The following CNTN2 variants were observed in gnomAD, a reference collection of about 807,000 sequenced individuals.
CNTN2 encodes contactin 2.
CNTN2 carries 53 observed loss-of-function variants against 117.5 expected under a neutral mutation model. That is an observed-to-expected ratio of 0.45 (90% confidence interval 0.36 to 0.57). The LOEUF (loss-of-function observed/expected upper bound fraction) is 0.57, where lower values mean the gene tolerates loss of function less well. Among genes scored for constraint, CNTN2 ranks in the 20% least tolerant of loss-of-function variants. CNTN2 has a pLI of 0.00. For synonymous variants in CNTN2, 530 were observed against 561.7 expected (o/e 0.94, Z 0.80); for missense variants, 1,106 against 1,404.3 (o/e 0.79, Z 3.39).
At position 205,061,661 on chromosome 1, in the gene CNTN2, A is replaced by G; in HGVS notation, c.974-204A>G. 1.2e-6 allele frequency: 1 copy of G among 811,570 alleles called. No homozygotes were observed. Among genetic ancestry groups the G allele is most frequent in the South Asian group, 2.0e-5 (1 of 51,210 alleles). 50.3% of individuals were successfully genotyped at this position (811,570 alleles called of 1,614,324 possible). A position where few individuals can be genotyped will look rare whatever the true frequency, so the allele number is the denominator to read the frequency against. ...GCTCCAGAATGATTTAAGTTGCAAA[A>G]GCAGCCACTGGCACAGCCACAGAGT... is the stretch of plus-strand genomic sequence containing the variant. On this transcript the variant is annotated intron_variant, in intron 8 of 22. Coordinates refer to ENST00000331830, the MANE Select transcript of CNTN2 (RefSeq NM_005076.5). The surrounding 1 kb of genome is among the most constrained non-coding windows in gnomAD (Gnocchi z 4.8).
chr1:205,059,404 C>A lies in CNTN2; in HGVS notation c.697+111C>A. On this transcript the variant is annotated intron_variant, in intron 6 of 22. Transcript: ENST00000331830. The surrounding 1 kb of genome is among the most constrained non-coding windows in gnomAD (Gnocchi z 5.6). ...AAGATCAGCTTGCAGGGCACTGATT[C>A]CAGGCCCTGGACCCCCAGATCCTCC... 8.0e-7 allele frequency: 1 copy of A among 1,246,634 alleles called. No individual in the cohort carries two copies. Among genetic ancestry groups the A allele is most frequent in the Non-Finnish European group, 1.1e-6 (1 of 880,176 alleles). The allele number at this position is 1,246,634 out of a possible 1,614,324, so 77.2% of individuals were successfully genotyped here. A position where few individuals can be genotyped will look rare whatever the true frequency, so the allele number is the denominator to read the frequency against.
intron 2 of CNTN2, among the ~76,000 whole-genome samples, chr1:205,055,316 C>T (rs1251998427): frequency 1.3e-5 from 2 of 152,104 alleles, no homozygotes; most frequent in Non-Finnish European, 2.9e-5. Flanking sequence ...TTTGCATGTG[C>T]ATGTGTAAGC....
Position 205,072,109 on chromosome 1 carries a change from G to A in CNTN2, c.2707G>A (p.Ala903Thr), listed in dbSNP as rs2151200118. ...TGGCACTGGGCCTGCCAGCCCTTCT[G>A]CCAACGCCACGACCATGAAGCCCCG... ...RAGTGPASPS[A>T]NATTMKPPPR... Residue 903 changes from alanine to threonine, a missense_variant, in exon 20 of 23, where the codon GCC becomes ACC. Transcript: ENST00000331830. 1 of 1,612,438 alleles carries A rather than the reference G, an allele frequency of 6.2e-7. No individual in the cohort carries two copies. Among genetic ancestry groups the A allele is most frequent in the Non-Finnish European group, 8.5e-7 (1 of 1,179,564 alleles).
chr1:205,069,700 T>TA, intron 17 of CNTN2, 127 bp from the exon 18 acceptor site: 2 of 1,401,776 alleles, frequency 1.4e-6, no homozygotes, highest in Non-Finnish European at 2.0e-6. Flanking sequence ...CGCTGCCCCT[T>TA]ACGCGAATCC....
At chr1:205,047,869 C>G (rs2151181846) in intron 1 of CNTN2, among the ~76,000 whole-genome samples, 1 of 152,274 alleles carries the variant, frequency 6.6e-6, no homozygotes, top group African/African-American at 2.4e-5. Context: ...TGGGGCGGGT[C>G]CTGCCCTTCT....
In CNTN2 at chr1:205,070,143, C is replaced by T. The variant is rs906372776; in HGVS notation, c.2431+82C>T. On this transcript the variant is annotated intron_variant, in intron 18 of 22. Transcript: ENST00000331830. The stretch of plus-strand genomic sequence containing the variant: ...TGTGGGGTGGGGGAACGCTACTCAT[C>T]TCCCAGCTCAGTTCCATAGGAGGAG... 3.7e-6 allele frequency: 5 copies of T among 1,365,904 alleles called. No homozygotes were observed. In the Admixed American group the frequency reaches 5.7e-5, roughly 16 times the overall value. The allele number at this position is 1,365,904 out of a possible 1,614,324, so 84.6% of individuals were successfully genotyped here.
rs1470996086 is a variant in CNTN2 at position 205,058,145 on chromosome 1, G to T, written c.216-36G>T. 1.3e-6 allele frequency: 2 copies of T among 1,594,380 alleles called. No homozygotes were observed. The highest frequency in any genetic ancestry group is 1.3e-5 in the African/African-American group (1 of 74,392). ...TCTCATCAGCCCTGCCACCAGGCAG[G>T]ACTCAGAGGTCCCCTTCCTCTGTCC... On this transcript the variant is annotated intron_variant, in intron 3 of 22. Coordinates refer to ENST00000331830, the MANE Select transcript of CNTN2 (RefSeq NM_005076.5). This position sits in a 1 kb window ranked among gnomAD's most constrained non-coding sequence, Gnocchi z 4.3.
At position 205,065,209 on chromosome 1, in the gene CNTN2, G is replaced by A. The variant is rs763451598; in HGVS notation, c.1642G>A (p.Asp548Asn). The part of the protein sequence containing the change: ...MDLTFTWTLD[D>N]FPIDFDKPGG... ...CCTCACCTTCACCTGGACCCTGGAC[G>A]ACTTCCCCATCGACTTTGATAAGCC... The change falls in exon 13 of 23, where the codon GAC becomes AAC. Residue 548 changes from aspartate (D) to asparagine (N), a missense_variant. Coordinates refer to ENST00000331830, the MANE Select transcript of CNTN2 (RefSeq NM_005076.5). This position sits in a 1 kb window ranked among gnomAD's most constrained non-coding sequence, Gnocchi z 4.1. 3 of 1,614,070 alleles carry A rather than the reference G, an allele frequency of 1.9e-6. No homozygotes were observed. The highest frequency in any genetic ancestry group is 2.2e-5 in the East Asian group (1 of 44,858).
At position 205,061,771 on chromosome 1, in the gene CNTN2, G is replaced by A; in HGVS notation, c.974-94G>A. On this transcript the variant is annotated intron_variant, in intron 8 of 22. Coordinates refer to ENST00000331830, the MANE Select transcript of CNTN2 (RefSeq NM_005076.5). The surrounding 1 kb of genome is among the most constrained non-coding windows in gnomAD (Gnocchi z 4.8). ...ATGCTCATGGCGCCCTCTGCTGTCT[G>A]GCACAGGTGCTGCTGCCCTGATTTT... 6.9e-7 allele frequency: 1 copy of A among 1,442,318 alleles called. No individual in the cohort carries two copies. The highest frequency in any genetic ancestry group is 9.3e-7 in the Non-Finnish European group (1 of 1,080,646). 89.3% of individuals were successfully genotyped at this position (1,442,318 alleles called of 1,614,324 possible). A position where few individuals can be genotyped will look rare whatever the true frequency, so the allele number is the denominator to read the frequency against.
chr1:205,048,431 AC>A lies in CNTN2; in HGVS notation c.-86-4663del, dbSNP rs1574628254. On this transcript the variant is annotated intron_variant, in intron 1 of 22. Coordinates refer to ENST00000331830, the MANE Select transcript of CNTN2 (RefSeq NM_005076.5). This position sits in a 1 kb window ranked among gnomAD's most constrained non-coding sequence, Gnocchi z 4.1. ...AGCCAACTCCCCCTGGTGCCCCCGA[AC>A]CCCCCAGTGGTCCACTCCCCCATGT... Among the ~76,000 whole-genome samples, 1 of 151,312 alleles carries A rather than the reference AC, an allele frequency of 6.6e-6. No homozygotes were observed. The highest frequency in any genetic ancestry group is 2.4e-5 in the African/African-American group (1 of 41,082).
chr1:205,058,059 C>T lies in CNTN2; in HGVS notation c.209C>T (p.Thr70Ile), dbSNP rs1189958830. The T allele has an allele frequency of 5.0e-6, 8 of 1,613,536 alleles. No homozygotes were observed. Among genetic ancestry groups the T allele is most frequent in the South Asian group, 1.1e-5 (1 of 91,020 alleles). The change falls in exon 3 of 23, where the codon ACC becomes ATC. Residue 70 changes from threonine (T) to isoleucine (I), a missense_variant. By Grantham distance (89) the Thr-to-Ile change is moderately conservative. Coordinates refer to ENST00000331830, the MANE Select transcript of CNTN2 (RefSeq NM_005076.5). The surrounding 1 kb of genome is among the most constrained non-coding windows in gnomAD (Gnocchi z 4.3). ...ACRARASPPA[T>I]YRWKMNGTEM... ...CGCGCCCGGGCCAGCCCTCCAGCCACCTATCGGTAAGGCCTCTGCAGTGGG... is the reference window on the plus strand; with the variant it reads ...CGCGCCCGGGCCAGCCCTCCAGCCATCTATCGGTAAGGCCTCTGCAGTGGG...
At chr1:205,045,137 G>A (rs1396518401) in intron 1 of CNTN2, among the ~76,000 whole-genome samples, 1 of 152,084 alleles carries the variant, frequency 6.6e-6, no homozygotes, top group Admixed American at 6.5e-5. Context: ...GGAAGCAGAG[G>A]CACACTCCTT....
chr1:205,067,801 C>T (rs2151196996), intron 16 of CNTN2: 1 of 152,486 alleles, frequency 6.6e-6, no homozygotes, highest in Admixed American at 6.5e-5. Flanking sequence ...GTGACACACA[C>T]CTGTAAATCC....
At chr1:205,046,872 G>A (rs2096442355) in intron 1 of CNTN2, among the ~76,000 whole-genome samples, 1 of 152,122 alleles carries the variant, frequency 6.6e-6, no homozygotes, top group Non-Finnish European at 1.5e-5. Context: ...TTCTGATCCT[G>A]AGCTTCCCAG....
At position 205,061,304 on chromosome 1, in the gene CNTN2, C is replaced by T. The variant is rs1367194017; in HGVS notation, c.857C>T (p.Thr286Ile). The T allele has an allele frequency of 2.5e-6, 4 of 1,614,140 alleles. No homozygotes were observed. Among genetic ancestry groups the T allele is most frequent in the Non-Finnish European group, 3.4e-6 (4 of 1,180,004 alleles). Residue 286 changes from threonine (T) to isoleucine (I), a missense_variant, in exon 8 of 23, where the codon ACA becomes ATA. Physicochemically the swap from Thr to Ile is moderately conservative, Grantham distance 89 (BLOSUM62 -1). Coordinates refer to ENST00000331830, the MANE Select transcript of CNTN2 (RefSeq NM_005076.5). This position sits in a 1 kb window ranked among gnomAD's most constrained non-coding sequence, Gnocchi z 4.8. Reference protein sequence around the residue: ...VDGSLSPQWTTAEPTLQIPSV... With the variant: ...VDGSLSPQWTIAEPTLQIPSV... ...GGCTCCCTGTCCCCGCAGTGGACCA[C>T]AGCTGAGCCCACCCTGCAGATCCCC...
At position 205,065,381 on chromosome 1, in the gene CNTN2, T is replaced by G. The variant is rs1654228586; in HGVS notation, c.1695+119T>G. The G allele has an allele frequency of 9.6e-7, 1 of 1,036,950 alleles. No individual in the cohort carries two copies. The allele number at this position is 1,036,950 out of a possible 1,614,324, so 64.2% of individuals were successfully genotyped here. On this transcript the variant is annotated intron_variant, in intron 13 of 22. Coordinates refer to ENST00000331830, the MANE Select transcript of CNTN2 (RefSeq NM_005076.5). This position sits in a 1 kb window ranked among gnomAD's most constrained non-coding sequence, Gnocchi z 4.1. ...CCATAGCCTAAGCGCCCCCATTCCC[T>G]CAGGCCCACACATGGCAAGCTCATC...
In CNTN2 at chr1:205,061,465, C is replaced by T. The variant is rs1331509992; in HGVS notation, c.973+45C>T. 1 of 1,510,780 alleles carries T rather than the reference C, an allele frequency of 6.6e-7. No homozygotes were observed. Among genetic ancestry groups the T allele is most frequent in the East Asian group, 2.4e-5 (1 of 41,502 alleles). 93.6% of individuals were successfully genotyped at this position (1,510,780 alleles called of 1,614,324 possible). On this transcript the variant is annotated intron_variant, in intron 8 of 22. Transcript: ENST00000331830. The surrounding 1 kb of genome is among the most constrained non-coding windows in gnomAD (Gnocchi z 4.8). ...TTCTCCGCCCCTCCCGACCCCCCTT[C>T]CCGCCTTCACCCTTGTCCCCAAGGA...
At chr1:205,049,905 G>A (rs1453565472) in intron 1 of CNTN2, among the ~76,000 whole-genome samples, 3 of 152,158 alleles carry the variant, frequency 2.0e-5, no homozygotes, top group Non-Finnish European at 4.4e-5. Context: ...GGAGCCCCAT[G>A]CTCTCTCCCT....
Position 205,077,028 on chromosome 1 carries a change from T to G in CNTN2, c.*3263T>G, listed in dbSNP as rs150443389. ...GAAGAGGCTTCTTTCTGAGGGAGCTTTGAGGAATTTTGACAGCTGTTGACA... is the reference window on the plus strand; with the variant it reads ...GAAGAGGCTTCTTTCTGAGGGAGCTGTGAGGAATTTTGACAGCTGTTGACA... On this transcript the variant is annotated 3_prime_UTR_variant, in exon 23 of 23. Transcript: ENST00000331830. 3 of 152,112 alleles carry G rather than the reference T, an allele frequency of 2.0e-5. No individual in the cohort carries two copies. Among genetic ancestry groups the G allele is most frequent in the African/African-American group, 7.2e-5 (3 of 41,480 alleles). The allele number at this position is 152,112 out of a possible 1,614,324, so 9.4% of individuals were successfully genotyped here.
Sources: gnomAD v4.1 joint callset for allele counts (sites outside exome capture counted in the v4.1 genomes callset) on GRCh38, gnomAD v4.1.1 for gene constraint, Gnocchi (gnomAD v3.1) non-coding constraint, MANE v1.5 for transcripts, NCBI Gene and HGNC (gene_info 2026-07-23, HGNC 2026-07-21) for gene names.